DNTTIP1: variants seen among roughly 807,000 people sequenced by gnomAD.
The protein encoded by DNTTIP1 is deoxynucleotidyltransferase terminal-interacting protein 1.
Under a neutral mutation model 52.9 loss-of-function variants are expected in DNTTIP1, and 22 were observed. The ratio of observed to expected loss-of-function variants is 0.42; its 90% CI spans 0.30 to 0.59. DNTTIP1 has a LOEUF of 0.59. DNTTIP1 is among the 20% of genes least tolerant of loss of function. DNTTIP1 has a pLI of 0.22. For synonymous variants in DNTTIP1, 136 were observed against 155.1 expected (o/e 0.88, Z 0.92); for missense variants, 286 against 435.5 (o/e 0.66, Z 3.06).
chr20:45,793,952 C>T lies in DNTTIP1; in HGVS notation c.208C>T (p.Leu70Phe). 1 of 1,600,354 alleles carries T rather than the reference C, an allele frequency of 6.2e-7. No homozygotes were observed. Among genetic ancestry groups the T allele is most frequent in the Non-Finnish European group, 8.5e-7 (1 of 1,173,344 alleles). Residue 70 changes from leucine (L) to phenylalanine (F), a missense_variant, in exon 3 of 13, where the codon CTC (leucine) becomes TTC (phenylalanine). Physicochemically the swap from Leu to Phe is conservative, Grantham distance 22. Coordinates refer to ENST00000372622, the MANE Select transcript of DNTTIP1 (RefSeq NM_052951.3). ...FTDPAISMDLLRAVLQPSINE... is the reference protein window; with the variant it reads ...FTDPAISMDLFRAVLQPSINE... ...AGATCCTGCCATCTCCATGGATCTCCTCCGAGCTGTCCTGCAGCCCAGCAT... is the reference window on the plus strand; with the variant it reads ...AGATCCTGCCATCTCCATGGATCTCTTCCGAGCTGTCCTGCAGCCCAGCAT...
Position 45,793,990 on chromosome 20 carries a change from C to G in DNTTIP1, c.246C>G (p.Ile82Met). Reference protein sequence around the residue: ...AVLQPSINEEIQTVFNKYMKF... With the variant: ...AVLQPSINEEMQTVFNKYMKF... ...TGCAGCCCAGCATCAACGAGGAGATCCAGACTGTCTTCAACAAGTACATGA... is the reference window on the plus strand; with the variant it reads ...TGCAGCCCAGCATCAACGAGGAGATGCAGACTGTCTTCAACAAGTACATGA... The change falls in exon 3 of 13, where the codon ATC becomes ATG. Residue 82 changes from isoleucine to methionine, a missense_variant. Coordinates refer to ENST00000372622, the MANE Select transcript of DNTTIP1 (RefSeq NM_052951.3). 4 of 1,597,970 alleles carry G rather than the reference C, an allele frequency of 2.5e-6. No individual in the cohort carries two copies. Among genetic ancestry groups the G allele is most frequent in the Non-Finnish European group, 3.4e-6 (4 of 1,172,006 alleles).
Position 45,792,672 on chromosome 20 carries a change from CA to C in DNTTIP1, c.106-4del, listed in dbSNP as rs1981069792. On this transcript the variant is annotated splice_polypyrimidine_tract_variant and splice_region_variant and intron_variant, in intron 1 of 12. Transcript: ENST00000372622. ...CAGTGACATTTGTTCCGTTGGTCCCCACAGAACCCTTGGAACATAATGATAA... is the reference window on the plus strand; with the variant it reads ...CAGTGACATTTGTTCCGTTGGTCCCCCAGAACCCTTGGAACATAATGATAA... 5.6e-6 allele frequency: 9 copies of C among 1,606,408 alleles called. No homozygotes were observed. The highest frequency in any genetic ancestry group is 1.3e-5 in the African/African-American group (1 of 74,536).
intron 1 of DNTTIP1, 61 bp downstream of exon 1, chr20:45,792,170 C>A: frequency 9.6e-7 from 1 of 1,040,410 alleles, no homozygotes; most frequent in Non-Finnish European, 1.2e-6. Context: ...GCTCCTGGGA[C>A]CCTGGCCCGC....
chr20:45,793,486 G>A (rs1568704442), intron 2 of DNTTIP1, among the ~76,000 whole-genome samples: 1 of 152,166 alleles, frequency 6.6e-6, no homozygotes, highest in Non-Finnish European at 1.5e-5. Context: ...GATCACCTGA[G>A]GTTGGGAGTT....
chr20:45,795,148 T>C (rs1981194348), intron 3 of DNTTIP1, among the ~76,000 whole-genome samples, 197 bp from the exon 4 acceptor site: 1 of 152,164 alleles, frequency 6.6e-6, no homozygotes, highest in Non-Finnish European at 1.5e-5. Context: ...CCCACGATTA[T>C]ATCCGTAAGA....
In DNTTIP1 at chr20:45,792,762, G is replaced by T; in HGVS notation, c.176+15G>T. On this transcript the variant is annotated intron_variant, in intron 2 of 12. Transcript: ENST00000372622. ...ATGACAACAAGGTAAGGCTGGCCCT[G>T]CATGGGGCTTATATCCCAGCCACTG... 6.2e-7 allele frequency: 1 copy of T among 1,604,718 alleles called. No homozygotes were observed. The highest frequency in any genetic ancestry group is 8.5e-7 in the Non-Finnish European group (1 of 1,176,372).
At position 45,811,189 on chromosome 20, in the gene DNTTIP1, G is replaced by C; in HGVS notation, c.984G>C (p.Gln328His). ...ATCGTGCTGTTGAAGCACCTCCACA[G>C]ACCTGAGGCCGGGTCCCCTGGCCAC... is the stretch of plus-strand genomic sequence containing the variant. ...NEHRAVEAPP[Q>H]T is the part of the protein sequence containing the mutation. Residue 328 changes from glutamine (Q) to histidine (H), a missense_variant, in exon 13 of 13, where the codon CAG (glutamine) becomes CAC (histidine). By Grantham distance (24) the Gln-to-His change is conservative. This residue lies in a region of DNTTIP1 where 78 missense variants were observed against 169.0 expected (regional missense o/e 0.46). Coordinates refer to ENST00000372622, the MANE Select transcript of DNTTIP1 (RefSeq NM_052951.3). The C allele has an allele frequency of 6.2e-7, 1 of 1,607,626 alleles. No individual in the cohort carries two copies. The highest frequency in any genetic ancestry group is 8.5e-7 in the Non-Finnish European group (1 of 1,177,126).
In DNTTIP1 at chr20:45,792,168, G is replaced by T. The variant is rs974365016; in HGVS notation, c.105+59G>T. ...CCGGGCACGGCCTCGGGGCTCCTGG[G>T]ACCCTGGCCCGCGGGCGAGAGAACG... On this transcript the variant is annotated intron_variant, in intron 1 of 12. Coordinates refer to ENST00000372622, the MANE Select transcript of DNTTIP1 (RefSeq NM_052951.3). 57 of 1,055,158 alleles carry T rather than the reference G, an allele frequency of 5.4e-5. No homozygotes were observed. The African/African-American group carries it at 8.9e-4, about 17-fold the overall frequency. The allele number at this position is 1,055,158 out of a possible 1,614,324, so 65.4% of individuals were successfully genotyped here.
intron 8 of DNTTIP1, among the ~76,000 whole-genome samples, chr20:45,804,672 G>A (rs1330748273): frequency 2.0e-5 from 3 of 152,156 alleles, no homozygotes; most frequent in African/African-American, 7.2e-5. Context: ...TAGCAGCACA[G>A]AATTACTAGT....
chr20:45,799,206 C>A (rs765708854), intron 4 of DNTTIP1, among the ~76,000 whole-genome samples: 1 of 151,942 alleles, frequency 6.6e-6, no homozygotes, highest in Non-Finnish European at 1.5e-5. Context: ...TAGGTGAGAG[C>A]AGATAGAATA....
chr20:45,805,143 C>T lies in DNTTIP1; in HGVS notation c.604-3C>T. 6.2e-7 allele frequency: 1 copy of T among 1,614,138 alleles called. No homozygotes were observed. Among genetic ancestry groups the T allele is most frequent in the Non-Finnish European group, 8.5e-7 (1 of 1,179,982 alleles). ...CTCACGAGCTTCTCTATTTTTTGCACAGTGGGACCCAGCTCGCCTGAATGA... is the reference window on the plus strand; with the variant it reads ...CTCACGAGCTTCTCTATTTTTTGCATAGTGGGACCCAGCTCGCCTGAATGA... On this transcript the variant is annotated splice_region_variant and splice_polypyrimidine_tract_variant and intron_variant, in intron 8 of 12. Transcript: ENST00000372622.
intron 2 of DNTTIP1, 96 bp from the exon 3 acceptor site, chr20:45,793,825 A>G: frequency 1.5e-6 from 1 of 669,024 alleles, no homozygotes; most frequent in African/African-American, 1.8e-5. Context: ...GCTGTCTAGT[A>G]TTGTTAAGGA....
At chr20:45,794,717 C>T (rs1981174635) in intron 3 of DNTTIP1, among the ~76,000 whole-genome samples, 1 of 149,408 alleles carries the variant, frequency 6.7e-6, no homozygotes, top group African/African-American at 2.5e-5. Flanking sequence ...TTTGGGAGGC[C>T]GAGGCAGGAT....
Position 45,811,332 on chromosome 20 carries a change from C to A in DNTTIP1, c.*137C>A. ...GCCTGAGCGAGTTTGTAGTGACTCA[C>A]TGCACAGCACCCCCAGACTAGCATG... On this transcript the variant is annotated 3_prime_UTR_variant, in exon 13 of 13. Coordinates refer to ENST00000372622, the MANE Select transcript of DNTTIP1 (RefSeq NM_052951.3). 1 of 877,948 alleles carries A rather than the reference C, an allele frequency of 1.1e-6. No individual in the cohort carries two copies. The highest frequency in any genetic ancestry group is 1.7e-6 in the Non-Finnish European group (1 of 585,362). The allele number at this position is 877,948 out of a possible 1,614,324, so 54.4% of individuals were successfully genotyped here.
At chr20:45,793,657 G>A (rs550843973) in intron 2 of DNTTIP1, among the ~76,000 whole-genome samples, 3 of 152,136 alleles carry the variant, frequency 2.0e-5, no homozygotes, top group South Asian at 2.1e-4. Context: ...CCAAAACCAC[G>A]CCACTGCACT....
At chr20:45,803,424 TCC>T (rs749369626) in intron 8 of DNTTIP1, 46 bp downstream of exon 8, 17 of 1,608,374 alleles carry the variant, frequency 1.1e-5, no homozygotes, top group Non-Finnish European at 1.4e-5. Context: ...CAGGAGATAG[TCC>T]CACTATCTCT....
At chr20:45,806,571 A>G (rs1981657809) in intron 10 of DNTTIP1, among the ~76,000 whole-genome samples, 2 of 152,238 alleles carry the variant, frequency 1.3e-5, no homozygotes, top group South Asian at 4.1e-4. Context: ...TGTGTTCCAC[A>G]CATGGTTTTT....
Position 45,809,818 on chromosome 20 carries a change from G to A in DNTTIP1, c.795+633G>A, listed in dbSNP as rs1341591141. ...GTACTGCTCCTTTTAGAATCTAAGT[G>A]CCTTACAAACTGATATGCCATCTCC... On this transcript the variant is annotated intron_variant, in intron 11 of 12. Transcript: ENST00000372622. The surrounding 1 kb of genome is among the most constrained non-coding windows in gnomAD (Gnocchi z 4.2). 6.6e-6 allele frequency among the ~76,000 whole-genome samples: 1 copy of A among 152,188 alleles called. No individual in the cohort carries two copies. Among genetic ancestry groups the A allele is most frequent in the Non-Finnish European group, 1.5e-5 (1 of 68,036 alleles).
In DNTTIP1 at chr20:45,797,456, G is replaced by T. The variant is rs1242887763; in HGVS notation, c.372+2013G>T. ...CATGACTAAAACACCAAAAGGAATGGCAACAAAAGCCAAAATTGACAAATG... is the reference window on the plus strand; with the variant it reads ...CATGACTAAAACACCAAAAGGAATGTCAACAAAAGCCAAAATTGACAAATG... On this transcript the variant is annotated intron_variant, in intron 4 of 12. Coordinates refer to ENST00000372622, the MANE Select transcript of DNTTIP1 (RefSeq NM_052951.3). 2.6e-5 allele frequency among the ~76,000 whole-genome samples: 4 copies of T among 152,290 alleles called. No individual in the cohort carries two copies. The East Asian group carries it at 7.7e-4, about 29-fold the overall frequency.
Sources: allele counts gnomAD v4.1 joint callset (sites outside exome capture counted in the v4.1 genomes callset), GRCh38; gene constraint gnomAD v4.1.1; regional missense constraint gnomAD v4.1.1; non-coding constraint Gnocchi (gnomAD v3.1); transcripts MANE v1.5; gene names NCBI Gene and HGNC (gene_info 2026-07-23, HGNC 2026-07-21).